Variants in AK7 observed in about 807,000 individuals in gnomAD.
AK7 encodes ATP-AMP transphosphorylase 7.
In AK7, 78 loss-of-function variants were observed where a neutral mutation model predicts 96.6. The ratio of observed to expected loss-of-function variants is 0.81; its 90% confidence interval spans 0.67 to 0.97. The LOEUF is 0.97. Among genes scored for constraint, AK7 ranks in the 50% least tolerant of loss-of-function variants. The pLI is 0.00. For missense variants in AK7, 855 were observed against 887.9 expected, an observed-to-expected ratio of 0.96 and a Z score of 0.47; for synonymous variants, 302 against 317.2, an observed-to-expected ratio of 0.95 and a Z score of 0.51.
At chr14:96,486,667 C>G (rs1296360066) in intron 16 of AK7, among the ~76,000 whole-genome samples, 1 of 147,394 alleles carries the variant, frequency 6.8e-6, no homozygotes, top group Non-Finnish European at 1.5e-5. Flanking sequence ...TTTGCTTCAT[C>G]TGGGCAGCTA....
chr14:96,461,776 G>C (rs1196965129), intron 12 of AK7, among the ~76,000 whole-genome samples: 2 of 152,074 alleles, frequency 1.3e-5, no homozygotes, highest in Admixed American at 1.3e-4. Context: ...AGTAGAGACG[G>C]GGTTTCGCCA....
chr14:96,425,166 A>G (rs896546548), intron 5 of AK7, among the ~76,000 whole-genome samples: 2 of 152,144 alleles, frequency 1.3e-5, no homozygotes, highest in African/African-American at 4.8e-5. Context: ...GAAAATAATC[A>G]TTTAACACAT....
At chr14:96,485,886 C>G (rs980887076) in intron 16 of AK7, among the ~76,000 whole-genome samples, 2 of 151,394 alleles carry the variant, frequency 1.3e-5, no homozygotes, top group Admixed American at 6.6e-5. Context: ...AGCTCCGCCT[C>G]CCCGGTTCAC....
At chr14:96,483,668 C>T (rs999728615) in intron 16 of AK7, among the ~76,000 whole-genome samples, 1 of 152,122 alleles carries the variant, frequency 6.6e-6, no homozygotes, top group Non-Finnish European at 1.5e-5. Flanking sequence ...TCAAGTGATC[C>T]ACCCGCTTCT....
Position 96,488,543 on chromosome 14 carries a change from A to G in AK7, c.*200A>G. ...AACTATATTTGAAATGTAAATTGAT[A>G]AAGACATTTGTGCATAGCTCATGAG... On this transcript the variant is annotated 3_prime_UTR_variant, in exon 18 of 18. Transcript: ENST00000267584. The G allele has an allele frequency of 3.9e-6, 2 of 511,406 alleles. No individual in the cohort carries two copies. Among genetic ancestry groups the G allele is most frequent in the South Asian group, 5.9e-5 (2 of 34,060 alleles). 31.7% of individuals were successfully genotyped at this position (511,406 alleles called of 1,614,324 possible).
In AK7 at chr14:96,436,584, G is replaced by A. The variant is rs187484827; in HGVS notation, c.610-1251G>A. Reference sequence around the variant, plus strand: ...CACTTGAACCCAGGAGGCCAAGGTTGCAGTGAGCCTAGATTATGCCACTGC... The same window carrying A: ...CACTTGAACCCAGGAGGCCAAGGTTACAGTGAGCCTAGATTATGCCACTGC... On this transcript the variant is annotated intron_variant, in intron 5 of 17. Coordinates refer to ENST00000267584, the MANE Select transcript of AK7 (RefSeq NM_152327.5). Among the ~76,000 whole-genome samples, 5 of 152,308 alleles carry A rather than the reference G, an allele frequency of 3.3e-5. No individual in the cohort carries two copies. The East Asian group carries it at 5.8e-4, about 18-fold the overall frequency.
intron 6 of AK7, among the ~76,000 whole-genome samples, chr14:96,441,355 G>A (rs1319847126): frequency 2.0e-5 from 3 of 151,062 alleles, no homozygotes; most frequent in African/African-American, 7.3e-5. Context: ...AGGAAGGTAT[G>A]AGGCCAGGCA....
At chr14:96,482,150 C>A (rs1398355595) in intron 15 of AK7, among the ~76,000 whole-genome samples, 1 of 151,788 alleles carries the variant, frequency 6.6e-6, no homozygotes, top group Non-Finnish European at 1.5e-5. Flanking sequence ...GTAATCCCAG[C>A]ACTATGAGAG....
rs1417284267 is a variant in AK7 at position 96,399,540 on chromosome 14, G to A, written c.294+1277G>A. 1.1e-4 allele frequency among the ~76,000 whole-genome samples: 17 copies of A among 152,168 alleles called. No homozygotes were observed. Among genetic ancestry groups the A allele is most frequent in the Admixed American group, 1.1e-3 (17 of 15,274 alleles). On this transcript the variant is annotated intron_variant, in intron 2 of 17. Transcript: ENST00000267584. The surrounding 1 kb of genome is among the most constrained non-coding windows in gnomAD (Gnocchi z 4.1). The stretch of plus-strand genomic sequence containing the variant: ...GAACTTCAGGAGACCAGCCGCATTT[G>A]CAGGTCTCACCCCTTCACCCCCGCC...
intron 1 of AK7, among the ~76,000 whole-genome samples, chr14:96,394,490 C>A (rs1889940021): frequency 6.6e-6 from 1 of 152,064 alleles, no homozygotes; most frequent in Admixed American, 6.6e-5. Flanking sequence ...CAGAATGTGG[C>A]CCTACTCAGC....
At chr14:96,473,197 G>A (rs1033817795) in intron 14 of AK7, among the ~76,000 whole-genome samples, 3 of 144,572 alleles carry the variant, frequency 2.1e-5, no homozygotes, top group Non-Finnish European at 4.5e-5. Context: ...TTGAGACTGA[G>A]TCTTGCCCTG....
intron 7 of AK7, among the ~76,000 whole-genome samples, chr14:96,443,865 C>G (rs1047757301): frequency 6.6e-6 from 1 of 151,160 alleles, no homozygotes; most frequent in Non-Finnish European, 1.5e-5. Flanking sequence ...GCTCTACCTC[C>G]CAGGTTCATG....
chr14:96,429,180 G>A (rs1299723262), intron 5 of AK7, among the ~76,000 whole-genome samples: 2 of 152,142 alleles, frequency 1.3e-5, no homozygotes, highest in Non-Finnish European at 2.9e-5. Context: ...TTTTAGATAT[G>A]GCTAGCCAGT....
rs565210898 is a variant in AK7, at chr14:96,456,164, G to C, written c.1099-183G>C. Among the ~76,000 whole-genome samples the C allele has an allele frequency of 3.9e-4, 58 of 149,780 alleles. 1 individual carries two copies. The South Asian group carries it at 0.012, about 30-fold the overall frequency. ...TGAGGCAGAGAATCGCTTGAACCTG[G>C]GAGGTGGAGGTTGCAGTAAGCGAGA... On this transcript the variant is annotated intron_variant, in intron 10 of 17. Transcript: ENST00000267584.
intron 9 of AK7, 61 bp from the exon 10 acceptor site, chr14:96,451,360 T>C (rs1157598033): frequency 7.0e-7 from 1 of 1,419,704 alleles, no homozygotes; most frequent in Middle Eastern, 1.9e-4. Flanking sequence ...GATTTTGGTC[T>C]GTTATGACAG....
chr14:96,486,039 C>T (rs2140185172), intron 16 of AK7, among the ~76,000 whole-genome samples: 1 of 152,290 alleles, frequency 6.6e-6, no homozygotes, highest in South Asian at 2.1e-4. Context: ...CCGCCTCGGC[C>T]TCCCAAAGTG....
chr14:96,404,933 A>C, intron 3 of AK7, 68 bp downstream of exon 3: 2 of 1,122,262 alleles, frequency 1.8e-6, no homozygotes, highest in Non-Finnish European at 1.3e-6. Flanking sequence ...CCTAATAGTC[A>C]TCTAGGAACA....
chr14:96,414,533 G>A (rs1014349056), intron 4 of AK7, among the ~76,000 whole-genome samples: 11 of 152,126 alleles, frequency 7.2e-5, no homozygotes, highest in African/African-American at 2.7e-4. Flanking sequence ...TGTGAAGCTT[G>A]GACTGCTGCT....
At chr14:96,437,089 G>A (rs1486380690) in intron 5 of AK7, among the ~76,000 whole-genome samples, 3 of 149,022 alleles carry the variant, frequency 2.0e-5, no homozygotes, top group African/African-American at 4.9e-5. Flanking sequence ...GGGAGGGAGG[G>A]ATAGTGAATG....
Sources: gnomAD v4.1 joint callset for allele counts (sites outside exome capture counted in the v4.1 genomes callset) on GRCh38, gnomAD v4.1.1 for gene constraint, Gnocchi (gnomAD v3.1) non-coding constraint, MANE v1.5 for transcripts, NCBI Gene and HGNC (gene_info 2026-07-23, HGNC 2026-07-21) for gene names.